GALNTL6: variants seen among roughly 807,000 people sequenced by gnomAD.
The protein encoded by GALNTL6 is polypeptide N-acetylgalactosaminyltransferase like 6, also known as polypeptide N-acetylgalactosaminyltransferase-like 6.
Under a neutral mutation model 73.7 loss-of-function variants are expected in GALNTL6, and 46 were observed. The ratio of observed to expected loss-of-function variants is 0.62; its 90% CI spans 0.49 to 0.80. The LOEUF (loss-of-function observed/expected upper bound fraction) is 0.80, where lower values mean the gene tolerates loss of function less well. Among genes scored for constraint, GALNTL6 ranks in the 30% least tolerant of loss-of-function variants. The pLI is 0.00. For synonymous variants in GALNTL6, 259 were observed against 263.7 expected (o/e 0.98, Z 0.17); for missense variants, 604 against 755.0 (o/e 0.80, Z 2.34).
intron 7 of GALNTL6, among the ~76,000 whole-genome samples, chr4:172,825,816 G>A (rs909381905): frequency 1.3e-5 from 2 of 152,142 alleles, no homozygotes; most frequent in African/African-American, 2.4e-5. Context: ...AAGCTAGTGT[G>A]GGATCAGGCC....
rs1030673611 is a variant in GALNTL6, at chr4:172,437,939, T to C, written c.553+89250T>C. Among the ~76,000 whole-genome samples the C allele has an allele frequency of 4.0e-5, 4 of 98,930 alleles. No individual in the cohort carries two copies. In the Admixed American group the frequency reaches 4.5e-4, roughly 11 times the overall value. 64.9% of individuals were successfully genotyped at this position (98,930 alleles called of 152,430 possible). On this transcript the variant is annotated intron_variant, in intron 5 of 12. Transcript: ENST00000506823. ...ACAGAAAGGGTGGCAGAGCACACCT[T>C]GTTTCCCTTCCTCCTCCATTGTTAA... is the stretch of plus-strand genomic sequence containing the variant.
At chr4:172,441,258 T>C (rs1045159944) in intron 5 of GALNTL6, among the ~76,000 whole-genome samples, 1 of 152,134 alleles carries the variant, frequency 6.6e-6, no homozygotes, top group Non-Finnish European at 1.5e-5. Context: ...AACAGTAATA[T>C]TGTCCATCAG....
intron 7 of GALNTL6, among the ~76,000 whole-genome samples, chr4:172,852,821 T>C (rs1232126507): frequency 6.6e-6 from 1 of 152,070 alleles, no homozygotes; most frequent in Non-Finnish European, 1.5e-5. Context: ...AAAGAATGAG[T>C]ACCAAAAATG....
chr4:172,676,998 G>A (rs1732339417), intron 5 of GALNTL6, among the ~76,000 whole-genome samples: 1 of 152,170 alleles, frequency 6.6e-6, no homozygotes, highest in Non-Finnish European at 1.5e-5. Context: ...GACCTGAAAT[G>A]CTAGATAGAA....
chr4:172,048,730 TTTTTATTTTATTTTA>T (rs199772411), intron 2 of GALNTL6, among the ~76,000 whole-genome samples: 10 of 151,790 alleles, frequency 6.6e-5, no homozygotes, highest in Admixed American at 2.0e-4. Flanking sequence ...AGTTTTTCAT[TTTTTATTTTATTTTA>T]TTTTATTTTA....
At chr4:172,225,066 G>A (rs1156587336) in intron 2 of GALNTL6, among the ~76,000 whole-genome samples, 4 of 152,008 alleles carry the variant, frequency 2.6e-5, no homozygotes, top group African/African-American at 7.2e-5. Flanking sequence ...CTAATGATGG[G>A]TCTGAAATAT....
chr4:171,881,403 G>C (rs1736445103), intron 2 of GALNTL6, among the ~76,000 whole-genome samples: 1 of 152,112 alleles, frequency 6.6e-6, no homozygotes, highest in African/African-American at 2.4e-5. Flanking sequence ...GGGCCCAGTG[G>C]GAGGTGATTG....
chr4:172,971,498 A>G (rs1750581302), intron 10 of GALNTL6, among the ~76,000 whole-genome samples: 1 of 152,206 alleles, frequency 6.6e-6, no homozygotes. Flanking sequence ...TAATCTGACA[A>G]TGTAGAAATA....
intron 2 of GALNTL6, among the ~76,000 whole-genome samples, chr4:171,944,323 T>A (rs1738639586): frequency 6.6e-6 from 1 of 152,044 alleles, no homozygotes. Context: ...ATAAAAATAT[T>A]AAGTGTCTAC....
intron 2 of GALNTL6, among the ~76,000 whole-genome samples, chr4:172,067,488 A>ACATTATGGAAAAAAGAAAGACT (rs1430221066): frequency 7.0e-5 from 8 of 113,892 alleles, no homozygotes; most frequent in African/African-American, 2.0e-4. Context: ...GTATATAGCC[A>ACATTATGGAAAAAAGAAAGACT]TCTACTTGGC....
At chr4:172,700,964 C>T (rs1003390260) in intron 5 of GALNTL6, among the ~76,000 whole-genome samples, 11 of 152,158 alleles carry the variant, frequency 7.2e-5, no homozygotes, top group African/African-American at 1.4e-4. Context: ...AAAAGTGTTA[C>T]ATATGAAGCT....
chr4:172,828,088 A>G (rs994597105), intron 7 of GALNTL6, among the ~76,000 whole-genome samples: 7 of 151,992 alleles, frequency 4.6e-5, no homozygotes, highest in African/African-American at 1.5e-4. Flanking sequence ...CCTGGCCAAC[A>G]TGGTGAAACC....
intron 5 of GALNTL6, among the ~76,000 whole-genome samples, chr4:172,383,354 TG>T (rs1406800433): frequency 1.3e-5 from 2 of 152,302 alleles, no homozygotes; most frequent in South Asian, 2.1e-4. Context: ...TATAAGTGAT[TG>T]TTTTTTGTGC....
intron 2 of GALNTL6, among the ~76,000 whole-genome samples, chr4:172,200,840 C>T (rs1405636669): frequency 6.6e-6 from 1 of 152,140 alleles, no homozygotes. Flanking sequence ...AAAATACATT[C>T]TTAATCAGAT....
In GALNTL6 at chr4:172,392,139, C is replaced by G. The variant is rs117760189; in HGVS notation, c.553+43450C>G. On this transcript the variant is annotated intron_variant, in intron 5 of 12. Transcript: ENST00000506823. ...GAGTAGCTGGGATTACAGGTGTACG[C>G]CACCACACCCCCCTAATTTTCATAT... is the stretch of plus-strand genomic sequence containing the variant. 4.6e-3 allele frequency among the ~76,000 whole-genome samples: 700 copies of G among 152,076 alleles called. 31 individuals are homozygous for G. In the East Asian group the frequency reaches 0.097, roughly 21 times the overall value.
intron 2 of GALNTL6, among the ~76,000 whole-genome samples, chr4:171,925,673 T>A (rs1288434123): frequency 6.6e-6 from 1 of 152,090 alleles, no homozygotes; most frequent in African/African-American, 2.4e-5. Context: ...TGAGGGAAAA[T>A]CCCTTTTCTA....
At chr4:172,205,878 A>C (rs993495464) in intron 2 of GALNTL6, among the ~76,000 whole-genome samples, 1 of 152,190 alleles carries the variant, frequency 6.6e-6, no homozygotes, top group African/African-American at 2.4e-5. Context: ...CTCAGCAGTA[A>C]GTTCTATGCC....
chr4:172,390,966 T>G (rs1398079727), intron 5 of GALNTL6, among the ~76,000 whole-genome samples: 2 of 152,124 alleles, frequency 1.3e-5, no homozygotes, highest in Non-Finnish European at 2.9e-5. Context: ...AGAACAGTGG[T>G]TAATTGTATT....
intron 2 of GALNTL6, among the ~76,000 whole-genome samples, chr4:171,998,696 G>A (rs1272083830): frequency 6.6e-6 from 1 of 152,116 alleles, no homozygotes; most frequent in African/African-American, 2.4e-5. Flanking sequence ...AGCATGCAAT[G>A]AAAACTTCCA....
Sources: allele counts gnomAD v4.1 joint callset (sites outside exome capture counted in the v4.1 genomes callset), GRCh38; gene constraint gnomAD v4.1.1; transcripts MANE v1.5; gene names NCBI Gene and HGNC (gene_info 2026-07-23, HGNC 2026-07-21).